Variants in GAPVD1 observed in about 807,000 individuals in gnomAD.
GAPVD1 encodes the protein GTPase activating protein and VPS9 domains 1.
A neutral mutation model predicts 155.5 loss-of-function variants in GAPVD1; 35 were observed. The observed-to-expected ratio is 0.23, with a 90% CI of 0.17 to 0.30. The LOEUF (loss-of-function observed/expected upper bound fraction) is 0.30. Ranked by LOEUF, GAPVD1 falls within the 10% of genes least tolerant of loss-of-function variation. The pLI, the probability that GAPVD1 is intolerant of heterozygous loss-of-function variation, is 1.00. For synonymous variants in GAPVD1, 636 were observed against 619.7 expected (o/e 1.03, Z -0.39); for missense variants, 1,429 against 1,775.7 (o/e 0.80, Z 3.51).
At chr9:125,331,170 A>G (rs371184062) in intron 13 of GAPVD1, among the ~76,000 whole-genome samples, 6 of 151,896 alleles carry the variant, frequency 4.0e-5, no homozygotes, top group African/African-American at 1.5e-4. Flanking sequence ...ACTTGGTTCA[A>G]GAATTATTAA....
intron 2 of GAPVD1, among the ~76,000 whole-genome samples, chr9:125,293,852 T>TTATATATATAAATATATTATATATATA: frequency 2.8e-5 from 1 of 35,198 alleles, no homozygotes; most frequent in African/African-American, 1.6e-4. Context: ...AAAATATATT[T>TTATATATATAAATATATTATATATATA]TATATATATA....
chr9:125,324,381 G>C (rs935820855), intron 11 of GAPVD1, among the ~76,000 whole-genome samples: 1 of 151,672 alleles, frequency 6.6e-6, no homozygotes, highest in Non-Finnish European at 1.5e-5. Flanking sequence ...ACCTGAGGTC[G>C]GGAGTTCAAG....
chr9:125,328,716 C>A (rs1230644634), intron 12 of GAPVD1, among the ~76,000 whole-genome samples: 1 of 151,536 alleles, frequency 6.6e-6, no homozygotes, highest in Non-Finnish European at 1.5e-5. Flanking sequence ...AGCTGTTGGG[C>A]ACACCTCCCA....
At chr9:125,291,297 A>G (rs1838563336) in intron 2 of GAPVD1, among the ~76,000 whole-genome samples, 1 of 152,138 alleles carries the variant, frequency 6.6e-6, no homozygotes, top group African/African-American at 2.4e-5. Context: ...AGGGAAGAAA[A>G]AAAAGGATAC....
At chr9:125,332,673 G>A (rs763343693) in intron 15 of GAPVD1, 44 bp downstream of exon 15, 18 of 1,572,612 alleles carry the variant, frequency 1.1e-5, no homozygotes, top group East Asian at 2.2e-5. Flanking sequence ...GACCACATCC[G>A]TGGTTGAAAC....
chr9:125,328,942 G>C (rs1382964341), intron 12 of GAPVD1, among the ~76,000 whole-genome samples: 2 of 152,220 alleles, frequency 1.3e-5, no homozygotes, highest in African/African-American at 4.8e-5. Flanking sequence ...AGACCGCCCG[G>C]CCAACACAGT....
chr9:125,315,520 T>C (rs1843291629), intron 9 of GAPVD1, among the ~76,000 whole-genome samples: 1 of 152,118 alleles, frequency 6.6e-6, no homozygotes, highest in Non-Finnish European at 1.5e-5. Context: ...GAAAGCAGCA[T>C]GGTTGTGTAT....
chr9:125,282,043 C>T (rs1347063753), intron 2 of GAPVD1, among the ~76,000 whole-genome samples: 2 of 152,090 alleles, frequency 1.3e-5, no homozygotes, highest in African/African-American at 2.4e-5. Context: ...CACTTTGGAA[C>T]GCCAAGGTGG....
At chr9:125,292,807 G>A (rs1408107787) in intron 2 of GAPVD1, among the ~76,000 whole-genome samples, 2 of 152,192 alleles carry the variant, frequency 1.3e-5, no homozygotes, top group Non-Finnish European at 2.9e-5. Flanking sequence ...TCTGATACTG[G>A]AAGTATGGAG....
At chr9:125,265,756 G>A (rs1337679791) in intron 1 of GAPVD1, among the ~76,000 whole-genome samples, 1 of 139,446 alleles carries the variant, frequency 7.2e-6, no homozygotes, top group East Asian at 2.1e-4. Flanking sequence ...TGGTGAAGAT[G>A]TGGCAAAAAT....
chr9:125,341,954 A>T (rs138295739), intron 18 of GAPVD1: 1 of 268,150 alleles, frequency 3.7e-6, no homozygotes, highest in East Asian at 7.6e-5. Context: ...TTTTGAGCAG[A>T]GGTTAAGAGT....
At chr9:125,271,416 C>T (rs1372121236) in intron 2 of GAPVD1, among the ~76,000 whole-genome samples, 1 of 151,776 alleles carries the variant, frequency 6.6e-6, no homozygotes, top group African/African-American at 2.4e-5. Context: ...GTTTTTCTAT[C>T]AGAAAAAAGA....
At chr9:125,331,276 G>C (rs974092626) in intron 13 of GAPVD1, among the ~76,000 whole-genome samples, 2 of 151,502 alleles carry the variant, frequency 1.3e-5, no homozygotes, top group African/African-American at 4.9e-5. Flanking sequence ...TCACGGCTCA[G>C]TGCAATCTCT....
chr9:125,332,511 C>T lies in GAPVD1; in HGVS notation c.2310C>T (p.Gly770=), dbSNP rs775846869. 3 of 1,587,352 alleles carry T rather than the reference C, an allele frequency of 1.9e-6. No homozygotes were observed. The highest frequency in any genetic ancestry group is 2.7e-5 in the African/African-American group (2 of 73,614). Residue 770 remains glycine (G), a splice_region_variant and synonymous_variant, in exon 15 of 28, where the codon GGC becomes GGT. Coordinates refer to ENST00000297933, the MANE Select transcript of GAPVD1 (RefSeq NM_001282680.3). The part of the protein sequence containing the change: ...PSTPGLSVVS[G]ISATSEDIPN... ...ATTTTTTACTATTGTTTTTTAAAGG[C>T]ATAAGTGCAACCTCTGAGGATATTC...
At chr9:125,279,528 G>A (rs1322062199) in intron 2 of GAPVD1, among the ~76,000 whole-genome samples, 1 of 145,768 alleles carries the variant, frequency 6.9e-6, no homozygotes, top group Non-Finnish European at 1.5e-5. Context: ...CCGAGATCGT[G>A]CCATTGTACT....
intron 17 of GAPVD1, among the ~76,000 whole-genome samples, chr9:125,338,818 T>G (rs999096486): frequency 6.6e-6 from 1 of 152,100 alleles, no homozygotes; most frequent in Non-Finnish European, 1.5e-5. Flanking sequence ...TAATAAGTAT[T>G]TAGGGGGAGA....
rs1315033910 is a variant in GAPVD1 at position 125,355,721 on chromosome 9, G to A, written c.3835G>A (p.Ala1279Thr). The change falls in exon 25 of 28, where the codon GCC (alanine) becomes ACC (threonine). Residue 1279 changes from alanine (A) to threonine (T), a missense_variant. Ala to Thr is a moderately conservative substitution (Grantham distance 58, BLOSUM62 0). Around this residue, in one of 4 missense-constraint regions of GAPVD1, gnomAD observed 699 missense variants for 826.0 expected, o/e 0.85. Coordinates refer to ENST00000297933, the MANE Select transcript of GAPVD1 (RefSeq NM_001282680.3). ...TCTGCAGTTTCTTTATGGTGCAATG[G>A]CCCAGGATGTCATATGGCAAAACGC... ...DFLQFLYGAM[A>T]QDVIWQNASE... 1 of 1,613,166 alleles carries A rather than the reference G, an allele frequency of 6.2e-7. No homozygotes were observed. The highest frequency in any genetic ancestry group is 8.5e-7 in the Non-Finnish European group (1 of 1,179,240).
intron 1 of GAPVD1, among the ~76,000 whole-genome samples, chr9:125,262,742 A>G (rs1266521797): frequency 6.6e-6 from 1 of 152,210 alleles, no homozygotes; most frequent in Non-Finnish European, 1.5e-5. Context: ...ATTGATGGAT[A>G]GAATTAGAAG....
At chr9:125,345,862 C>T in intron 19 of GAPVD1, 1 of 151,804 alleles carries the variant, frequency 6.6e-6, no homozygotes, top group South Asian at 2.1e-4. Context: ...TATATATACA[C>T]ATAAGTGTGT....
Sources: gnomAD v4.1 joint callset for allele counts (sites outside exome capture counted in the v4.1 genomes callset) on GRCh38, gnomAD v4.1.1 for gene constraint, gnomAD v4.1.1 regional missense constraint, MANE v1.5 for transcripts, NCBI Gene and HGNC (gene_info 2026-07-23, HGNC 2026-07-21) for gene names.